The following ADAMTS17 variants were observed in gnomAD, a reference collection of about 807,000 sequenced individuals.
The protein encoded by ADAMTS17 is A disintegrin and metalloproteinase with thrombospondin motifs 17.
In ADAMTS17, 113 loss-of-function variants were observed where a neutral mutation model predicts 141.5. The observed-to-expected ratio is 0.80, with a 90% CI of 0.69 to 0.93. ADAMTS17 has a LOEUF of 0.93. Among genes scored for constraint, ADAMTS17 ranks in the 40% least tolerant of loss-of-function variants. The pLI, the probability that ADAMTS17 is intolerant of heterozygous loss-of-function variation, is 0.00. For missense variants in ADAMTS17, 1,659 were observed against 1,517.9 expected, an observed-to-expected ratio of 1.09 and a Z score of -1.54; for synonymous variants, 768 against 630.6, an observed-to-expected ratio of 1.22 and a Z score of -3.27.
At chr15:100,111,133 C>T (rs2141112936) in intron 13 of ADAMTS17, among the ~76,000 whole-genome samples, 1 of 152,284 alleles carries the variant, frequency 6.6e-6, no homozygotes, top group South Asian at 2.1e-4. Context: ...CCTCACCATG[C>T]ATCCATTCAC....
chr15:100,262,738 T>G (rs1265399492), intron 4 of ADAMTS17, among the ~76,000 whole-genome samples: 4 of 148,542 alleles, frequency 2.7e-5, no homozygotes, highest in Non-Finnish European at 4.4e-5. Context: ...TCATAACAAA[T>G]TTAAAAATCA....
At chr15:100,265,433 CGTCCAGCTCTG>C (rs1567454796) in intron 4 of ADAMTS17, among the ~76,000 whole-genome samples, 1 of 152,226 alleles carries the variant, frequency 6.6e-6, no homozygotes, top group Non-Finnish European at 1.5e-5. Context: ...CCGTCTCCGG[CGTCCAGCTCTG>C]GCGGCATCCC....
intron 4 of ADAMTS17, among the ~76,000 whole-genome samples, chr15:100,268,955 A>C (rs890384254): frequency 7.9e-6 from 1 of 126,192 alleles, no homozygotes; most frequent in African/African-American, 3.0e-5. Flanking sequence ...GAACAGAAAC[A>C]GGAACCCAGA....
At chr15:100,209,171 C>T (rs976947132) in intron 7 of ADAMTS17, among the ~76,000 whole-genome samples, 6 of 149,146 alleles carry the variant, frequency 4.0e-5, no homozygotes, top group Admixed American at 6.6e-5. Flanking sequence ...AACAAGTAAC[C>T]GCATTTCTTG....
chr15:100,113,927 G>A (rs1253975287), intron 13 of ADAMTS17, among the ~76,000 whole-genome samples: 1 of 152,232 alleles, frequency 6.6e-6, no homozygotes, highest in African/African-American at 2.4e-5. Context: ...TGGCCTGCTG[G>A]CCTGGGCAAG....
intron 18 of ADAMTS17, among the ~76,000 whole-genome samples, chr15:100,047,970 C>T (rs904529620): frequency 1.3e-5 from 2 of 152,158 alleles, no homozygotes; most frequent in African/African-American, 4.8e-5. Flanking sequence ...GCCTCACCTT[C>T]TTTTTTTCCT....
intron 8 of ADAMTS17, among the ~76,000 whole-genome samples, chr15:100,179,377 C>A (rs1292616249): frequency 1.3e-5 from 2 of 152,296 alleles, no homozygotes; most frequent in East Asian, 1.9e-4. Context: ...CACGTTGTTG[C>A]AAGTGACAGG....
intron 8 of ADAMTS17, among the ~76,000 whole-genome samples, chr15:100,157,610 A>C (rs529244559): frequency 1.3e-5 from 2 of 152,294 alleles, no homozygotes; most frequent in East Asian, 3.9e-4. Context: ...GGCAGCAGAA[A>C]CTGGTGCAAA....
intron 15 of ADAMTS17, among the ~76,000 whole-genome samples, chr15:100,090,869 T>G (rs8025997): frequency 0.33 from 49,930 of 151,406 alleles, 10,572 homozygotes; most frequent in East Asian, 0.59. Flanking sequence ...TTAGCCAGGT[T>G]TGGTGGTGCA....
intron 3 of ADAMTS17, chr15:100,306,504 T>C (rs373513876): frequency 6.6e-6 from 3 of 455,998 alleles, no homozygotes; most frequent in East Asian, 7.0e-5. Context: ...GCCAGACACA[T>C]GAATGAGGCA....
chr15:100,229,564 C>T (rs1052234827), intron 7 of ADAMTS17, among the ~76,000 whole-genome samples: 1 of 152,158 alleles, frequency 6.6e-6, no homozygotes, highest in Non-Finnish European at 1.5e-5. Flanking sequence ...AAGGCTGGTC[C>T]CGCTAAACTA....
At position 100,164,108 on chromosome 15, in the gene ADAMTS17, C is replaced by T. The variant is rs146831012; in HGVS notation, c.1182-8788G>A. 3.7e-3 allele frequency among the ~76,000 whole-genome samples: 566 copies of T among 152,192 alleles called. 1 individual carries two copies. Among genetic ancestry groups the T allele is most frequent in the Non-Finnish European group, 6.0e-3 (411 of 68,028 alleles). On this transcript the variant is annotated intron_variant, in intron 8 of 21. Transcript: ENST00000268070. ...ACCAGGCGCTAGCTGCTTAGTCTCC[C>T]GTATTCAGCACACCCTCCTCCACCC...
rs905942239 is a variant in ADAMTS17 at position 100,162,439 on chromosome 15, C to T, written c.1182-7119G>A. Reference sequence around the variant, plus strand: ...ATATATAACTATATAGTTATATATACACATATAGTTATATATATGCACATA... The same window carrying T: ...ATATATAACTATATAGTTATATATATACATATAGTTATATATATGCACATA... On this transcript the variant is annotated intron_variant, in intron 8 of 21. Coordinates refer to ENST00000268070, the MANE Select transcript of ADAMTS17 (RefSeq NM_139057.4). 1.5e-4 allele frequency among the ~76,000 whole-genome samples: 20 copies of T among 133,824 alleles called. 1 individual carries two copies. The highest frequency in any genetic ancestry group is 6.3e-5 in the Non-Finnish European group (4 of 63,682). 87.8% of individuals were successfully genotyped at this position (133,824 alleles called of 152,430 possible).
chr15:100,292,198 T>A (rs895560357), intron 3 of ADAMTS17, among the ~76,000 whole-genome samples: 2 of 137,564 alleles, frequency 1.5e-5, no homozygotes, highest in African/African-American at 5.7e-5. Context: ...CCGTGGGGAA[T>A]CACGAGACAC....
At chr15:100,315,788 T>C (rs894785189) in intron 3 of ADAMTS17, among the ~76,000 whole-genome samples, 1 of 152,230 alleles carries the variant, frequency 6.6e-6, no homozygotes, top group Non-Finnish European at 1.5e-5. Flanking sequence ...ATTTAACTCA[T>C]ACTTACATGA....
intron 14 of ADAMTS17, among the ~76,000 whole-genome samples, chr15:100,105,969 G>C (rs1444333394): frequency 6.6e-6 from 1 of 151,906 alleles, no homozygotes; most frequent in Non-Finnish European, 1.5e-5. Context: ...GGGATTATAG[G>C]CGTGTGCCAC....
chr15:99,992,688 C>G (rs1858204118), intron 20 of ADAMTS17, among the ~76,000 whole-genome samples: 1 of 152,162 alleles, frequency 6.6e-6, no homozygotes, highest in Admixed American at 6.5e-5. Flanking sequence ...TGATGTTTGC[C>G]CCAAGTGTCC....
chr15:100,170,945 C>T (rs1009965316), intron 8 of ADAMTS17, among the ~76,000 whole-genome samples: 3 of 152,172 alleles, frequency 2.0e-5, no homozygotes, highest in African/African-American at 7.2e-5. Flanking sequence ...GGTAGAAATT[C>T]AAAGGCTATC....
chr15:100,171,417 C>T, intron 8 of ADAMTS17, among the ~76,000 whole-genome samples: 1 of 152,162 alleles, frequency 6.6e-6, no homozygotes, highest in East Asian at 1.9e-4. Flanking sequence ...TCCCACCTCG[C>T]AGGGCTATGA....
Sources: allele counts gnomAD v4.1 joint callset (sites outside exome capture counted in the v4.1 genomes callset), GRCh38; gene constraint gnomAD v4.1.1; transcripts MANE v1.5; gene names NCBI Gene and HGNC (gene_info 2026-07-23, HGNC 2026-07-21).